SHPRH: variants seen among roughly 807,000 people sequenced by gnomAD.
SHPRH encodes the protein E3 ubiquitin-protein ligase SHPRH.
Under a neutral mutation model 202.5 loss-of-function variants are expected in SHPRH, and 106 were observed. That is an observed-to-expected ratio of 0.52 (90% CI 0.45 to 0.62). The LOEUF is 0.62. SHPRH is among the 20% of genes least tolerant of loss of function. SHPRH has a pLI of 0.00. For synonymous variants in SHPRH, 729 were observed against 686.0 expected (o/e 1.06, Z -0.98); for missense variants, 1,710 against 2,020.0 (o/e 0.85, Z 2.94).
At chr6:145,949,460 A>T (rs1024518763) in intron 4 of SHPRH, among the ~76,000 whole-genome samples, 8 of 152,100 alleles carry the variant, frequency 5.3e-5, no homozygotes, top group Admixed American at 1.3e-4. Flanking sequence ...AATGGAGGCC[A>T]TTATCCCAAG....
intron 25 of SHPRH, among the ~76,000 whole-genome samples, chr6:145,902,578 T>C (rs1002517122): frequency 2.0e-5 from 3 of 152,110 alleles, no homozygotes; most frequent in Admixed American, 2.0e-4. Flanking sequence ...AGATGACCTA[T>C]TTTACCGATG....
At chr6:145,875,045 T>G (rs2253307) in intron 2 of SHPRH, among the ~76,000 whole-genome samples, 56,462 of 151,952 alleles carry the variant, frequency 0.37, 10,972 homozygotes, top group South Asian at 0.49. Context: ...CTGATATAAG[T>G]CTCAAGGGAA....
intron 25 of SHPRH, chr6:145,906,288 T>C (rs139566143): frequency 2.1e-4 from 32 of 152,202 alleles, no homozygotes; most frequent in East Asian, 9.7e-4. Flanking sequence ...TACTGTCTGC[T>C]TGGACAGCTC....
rs1256646921 is a variant in SHPRH at position 145,885,891 on chromosome 6, A to G, written c.*800T>C. ...CCATATTTCCATGTTATAATAAAACAAAATCATAAAAACTGCAATATTTAC... is the reference window on the plus strand; with the variant it reads ...CCATATTTCCATGTTATAATAAAACGAAATCATAAAAACTGCAATATTTAC... On this transcript the variant is annotated 3_prime_UTR_variant, in exon 30 of 30. Coordinates refer to ENST00000275233, the MANE Select transcript of SHPRH (RefSeq NM_001042683.3). 1 of 152,180 alleles carries G rather than the reference A, an allele frequency of 6.6e-6. No individual in the cohort carries two copies. Among genetic ancestry groups the G allele is most frequent in the Non-Finnish European group, 1.5e-5 (1 of 68,036 alleles). The allele number at this position is 152,180 out of a possible 1,614,324, so 9.4% of individuals were successfully genotyped here.
intron 24 of SHPRH, among the ~76,000 whole-genome samples, chr6:145,913,127 G>A (rs1783647022): frequency 6.6e-6 from 1 of 152,106 alleles, no homozygotes. Context: ...GTAAATCTAT[G>A]TGTGTTATAT....
chr6:145,941,727 G>C lies in SHPRH; in HGVS notation c.2386C>G (p.Arg796Gly). 1 of 1,613,970 alleles carries C rather than the reference G, an allele frequency of 6.2e-7. No homozygotes were observed. Among genetic ancestry groups the C allele is most frequent in the South Asian group, 1.1e-5 (1 of 91,074 alleles). ...ATAGCCATATAGCGCTTCTGGTTCC[G>C]TAGGCGACGCCCATCCTCACTATTG... is the stretch of plus-strand genomic sequence containing the variant. ...HSNSEDGRRLRNQKRYMAIPS... is the reference protein window; with the variant it reads ...HSNSEDGRRLGNQKRYMAIPS... Residue 796 changes from arginine (R) to glycine (G), a missense_variant, in exon 10 of 30, where the codon CGG becomes GGG. Physicochemically the swap from Arg to Gly is moderately radical, Grantham distance 125 (BLOSUM62 -2). Coordinates refer to ENST00000275233, the MANE Select transcript of SHPRH (RefSeq NM_001042683.3).
In SHPRH at chr6:145,870,716, T is replaced by A. The variant is rs1326630126; in HGVS notation, c.222-6225A>T. Among the ~76,000 whole-genome samples, 4 of 152,218 alleles carry A rather than the reference T, an allele frequency of 2.6e-5. No individual in the cohort carries two copies. In the East Asian group the frequency reaches 7.7e-4, roughly 29 times the overall value. On this transcript the variant is annotated intron_variant, in intron 2 of 2. Coordinates refer to the SHPRH transcript ENST00000417762. ...AAAGGACTGGTAAGAGGGAGTATCC[T>A]TGCTTTGTTCCTGATCTGAGAGGGA...
At chr6:145,961,513 A>C (rs993110820) in intron 1 of SHPRH, among the ~76,000 whole-genome samples, 1 of 152,246 alleles carries the variant, frequency 6.6e-6, no homozygotes, top group Admixed American at 6.5e-5. Context: ...AATATGTGCC[A>C]TGTTTCCCAC....
At chr6:145,900,982 A>C (rs1782456521) in intron 25 of SHPRH, among the ~76,000 whole-genome samples, 1 of 152,110 alleles carries the variant, frequency 6.6e-6, no homozygotes, top group Admixed American at 6.6e-5. Flanking sequence ...AAATTTTCTT[A>C]TCACAAAAAT....
chr6:145,952,365 G>A lies in SHPRH; in HGVS notation c.747C>T (p.His249=). The A allele has an allele frequency of 6.2e-7, 1 of 1,601,570 alleles. No homozygotes were observed. Among genetic ancestry groups the A allele is most frequent in the Non-Finnish European group, 8.5e-7 (1 of 1,174,178 alleles). ...QLMKKVMEKL[H]NSIIPDVLEE... is the part of the protein sequence containing the mutation. ...AAATATTACCTGGAATAATAGAATT[G>A]TGTAACTTTTCCATTACTTTCTTCA... Residue 249 remains histidine (H), a synonymous_variant, in exon 3 of 30, where the codon CAC becomes CAT. Transcript: ENST00000275233.
intron 11 of SHPRH, among the ~76,000 whole-genome samples, chr6:145,939,775 A>G (rs1786542656): frequency 6.6e-6 from 1 of 152,154 alleles, no homozygotes. Flanking sequence ...ATACTAGAAA[A>G]TATTACTAGA....
At chr6:145,876,846 T>C (rs1037320160) in intron 2 of SHPRH, 2 of 152,144 alleles carry the variant, frequency 1.3e-5, no homozygotes, top group Non-Finnish European at 2.9e-5. Flanking sequence ...AGTGTCCTTA[T>C]AAAAAGCCAT....
At chr6:145,952,132 T>C (rs1395675616) in intron 3 of SHPRH, among the ~76,000 whole-genome samples, 1 of 152,104 alleles carries the variant, frequency 6.6e-6, no homozygotes, top group Non-Finnish European at 1.5e-5. Flanking sequence ...ACTCCGCAAA[T>C]ATTTCTTTAA....
chr6:145,914,187 T>C (rs1012112176), intron 23 of SHPRH, among the ~76,000 whole-genome samples: 23 of 152,136 alleles, frequency 1.5e-4, no homozygotes, highest in African/African-American at 5.3e-4. Flanking sequence ...TGGTCTATGA[T>C]GGCCTCATGC....
chr6:145,893,071 AAAAT>A lies in SHPRH; in HGVS notation c.4874+140_4874+143del, dbSNP rs1464851370. 2.2e-4 allele frequency: 116 copies of A among 517,856 alleles called. No homozygotes were observed. The East Asian group carries it at 4.3e-3, about 19-fold the overall frequency. The allele number at this position is 517,856 out of a possible 1,614,324, so 32.1% of individuals were successfully genotyped here. ...AAAAAGTTATAAATAAATAAGTTATAAAATAAATAATTAAAAAATGTAGTATCTA... is the reference window on the plus strand; with the variant it reads ...AAAAAGTTATAAATAAATAAGTTATAAAATAATTAAAAAATGTAGTATCTA... On this transcript the variant is annotated intron_variant, in intron 28 of 29. Coordinates refer to ENST00000275233, the MANE Select transcript of SHPRH (RefSeq NM_001042683.3).
In SHPRH at chr6:145,893,198, C is replaced by G. The variant is rs1781717351; in HGVS notation, c.4874+17G>C. On this transcript the variant is annotated intron_variant, in intron 28 of 29. Coordinates refer to ENST00000275233, the MANE Select transcript of SHPRH (RefSeq NM_001042683.3). ...AAAACTGAAGCAAATGTGACTGATTCTAATTTTAGTCCTTACTTTGTCTGT... is the reference window on the plus strand; with the variant it reads ...AAAACTGAAGCAAATGTGACTGATTGTAATTTTAGTCCTTACTTTGTCTGT... 5 of 1,491,122 alleles carry G rather than the reference C, an allele frequency of 3.4e-6. No homozygotes were observed. Among genetic ancestry groups the G allele is most frequent in the Non-Finnish European group, 4.5e-6 (5 of 1,120,376 alleles). 92.4% of individuals were successfully genotyped at this position (1,491,122 alleles called of 1,614,324 possible). A position where few individuals can be genotyped will look rare whatever the true frequency, so the allele number is the denominator to read the frequency against.
intron 26 of SHPRH, among the ~76,000 whole-genome samples, 153 bp downstream of exon 26, chr6:145,894,732 A>C (rs1781863006): frequency 6.6e-6 from 1 of 152,110 alleles, no homozygotes; most frequent in Non-Finnish European, 1.5e-5. Flanking sequence ...ATTTCTCTAA[A>C]AATAATTCTA....
At chr6:145,904,815 T>C (rs1782808030) in intron 25 of SHPRH, 1 of 152,082 alleles carries the variant, frequency 6.6e-6, no homozygotes, top group Non-Finnish European at 1.5e-5. Flanking sequence ...TTCTATAAAC[T>C]TAATTTTTTT....
At chr6:145,942,059 G>A (rs1213031147) in intron 9 of SHPRH, among the ~76,000 whole-genome samples, 185 bp from the exon 10 acceptor site, 2 of 152,146 alleles carry the variant, frequency 1.3e-5, no homozygotes, top group African/African-American at 2.4e-5. Flanking sequence ...CATAACTGAT[G>A]TGCAACAAAC....
Sources: gnomAD v4.1 joint callset for allele counts (sites outside exome capture counted in the v4.1 genomes callset) on GRCh38, gnomAD v4.1.1 for gene constraint, MANE v1.5 for transcripts, NCBI Gene and HGNC (gene_info 2026-07-23, HGNC 2026-07-21) for gene names.